EZH2: variants seen among roughly 807,000 people sequenced by gnomAD.
The protein encoded by EZH2 is enhancer of zeste 2 polycomb repressive complex 2 subunit, also known as histone-lysine N-methyltransferase EZH2.
Under a neutral mutation model 98.4 loss-of-function variants are expected in EZH2, and 18 were observed. The ratio of observed to expected loss-of-function variants is 0.18; its 90% CI spans 0.13 to 0.27. EZH2 has a LOEUF of 0.27. EZH2 is among the 10% of genes least tolerant of loss of function. EZH2 has a pLI of 1.00. For synonymous variants in EZH2, 338 were observed against 312.3 expected (o/e 1.08, Z -0.87); for missense variants, 470 against 935.1 (o/e 0.50, Z 6.49).
intron 1 of EZH2, among the ~76,000 whole-genome samples, chr7:148,854,771 G>C (rs1383985104): frequency 6.6e-6 from 1 of 152,138 alleles, no homozygotes; most frequent in African/African-American, 2.4e-5. Flanking sequence ...GTGCCTGTTT[G>C]TATGTTTAAA....
intron 1 of EZH2, among the ~76,000 whole-genome samples, chr7:148,874,323 G>A (rs1405243146): frequency 1.3e-5 from 2 of 152,184 alleles, no homozygotes; most frequent in Non-Finnish European, 2.9e-5. Flanking sequence ...AGGAGGTGGA[G>A]GTTGCAGTAA....
At position 148,856,628 on chromosome 7, in the gene EZH2, T is replaced by C. The variant is rs150248614; in HGVS notation, c.-7-9323A>G. Among the ~76,000 whole-genome samples, 20 of 152,066 alleles carry C rather than the reference T, an allele frequency of 1.3e-4. No individual in the cohort carries two copies. The East Asian group carries it at 2.3e-3, about 18-fold the overall frequency. Reference sequence around the variant, plus strand: ...GATTCTAGGGTTGGGACAGGGAAACTACAAGGCAAGCCAGTAGAAGAAGGG... The same window carrying C: ...GATTCTAGGGTTGGGACAGGGAAACCACAAGGCAAGCCAGTAGAAGAAGGG... On this transcript the variant is annotated intron_variant, in intron 1 of 19. Transcript: ENST00000320356.
chr7:148,826,932 A>T (rs1406360857), intron 7 of EZH2, among the ~76,000 whole-genome samples: 2 of 152,136 alleles, frequency 1.3e-5, no homozygotes, highest in Admixed American at 1.3e-4. Context: ...AATTTTATGT[A>T]TATGTGTGTG....
At chr7:148,880,100 C>T (rs2129495246) in intron 1 of EZH2, among the ~76,000 whole-genome samples, 1 of 152,196 alleles carries the variant, frequency 6.6e-6, no homozygotes, top group South Asian at 2.1e-4. Flanking sequence ...AAAACAAGAC[C>T]AATTATTAAG....
chr7:148,817,382 G>A lies in EZH2; in HGVS notation c.1250C>T (p.Ser417Phe). The A allele has an allele frequency of 6.2e-7, 1 of 1,612,294 alleles. No homozygotes were observed. The highest frequency in any genetic ancestry group is 1.3e-5 in the African/African-American group (1 of 74,870). The change falls in exon 11 of 20, where the codon TCT (serine) becomes TTT (phenylalanine). Residue 417 changes from serine to phenylalanine, a missense_variant. Physicochemically the swap from Ser to Phe is radical, Grantham distance 155. Coordinates refer to ENST00000320356, the MANE Select transcript of EZH2 (RefSeq NM_004456.5). ...DETSSSSEAN[S>F]RCQTPIKMKP... Reference sequence around the variant, plus strand: ...CATCTTTATTGGTGTTTGACACCGAGAATTTGCTTCTACAAAACCAAATGT... The same window carrying A: ...CATCTTTATTGGTGTTTGACACCGAAAATTTGCTTCTACAAAACCAAATGT...
chr7:148,844,692 C>A, intron 3 of EZH2, among the ~76,000 whole-genome samples: 1 of 152,068 alleles, frequency 6.6e-6, no homozygotes, highest in South Asian at 2.1e-4. Flanking sequence ...CATAAACTCA[C>A]GAACATTAGG....
intron 8 of EZH2, among the ~76,000 whole-genome samples, chr7:148,823,550 A>G (rs1210843681): frequency 1.3e-5 from 2 of 152,206 alleles, no homozygotes; most frequent in Admixed American, 1.3e-4. Context: ...ACGAGAACCA[A>G]TAAAAGTGGT....
chr7:148,846,757 A>T (rs900975243), intron 2 of EZH2, among the ~76,000 whole-genome samples, 159 bp from the exon 3 acceptor site: 7 of 152,080 alleles, frequency 4.6e-5, no homozygotes, highest in Admixed American at 1.3e-4. Context: ...CCCACATTCA[A>T]ATAATACAAA....
At chr7:148,873,119 G>A (rs1466264341) in intron 1 of EZH2, among the ~76,000 whole-genome samples, 1 of 151,984 alleles carries the variant, frequency 6.6e-6, no homozygotes, top group East Asian at 1.9e-4. Flanking sequence ...GGAGTCTGAG[G>A]ATGTAGTGAG....
rs1419485491 is a variant in EZH2 at position 148,826,444 on chromosome 7, G to A, written c.907+10C>T. On this transcript the variant is annotated intron_variant, in intron 8 of 19. Transcript: ENST00000320356. Reference sequence around the variant, plus strand: ...TAATTCCACAACAAAGATAGAAAATGAAAACGTACAATAATTGCACTTACG... The same window carrying A: ...TAATTCCACAACAAAGATAGAAAATAAAAACGTACAATAATTGCACTTACG... The A allele has an allele frequency of 6.5e-7, 1 of 1,546,582 alleles. No homozygotes were observed. The highest frequency in any genetic ancestry group is 8.8e-7 in the Non-Finnish European group (1 of 1,141,416).
At chr7:148,815,097 C>T in intron 13 of EZH2, 58 bp from the exon 14 acceptor site, 2 of 1,579,912 alleles carry the variant, frequency 1.3e-6, no homozygotes, top group South Asian at 1.2e-5. Context: ...AACGATCATA[C>T]ACAATTAACA....
Position 148,846,574 on chromosome 7 carries a change from T to G in EZH2, c.142A>C (p.Lys48Gln). The change falls in exon 3 of 20, where the codon AAA becomes CAA. Residue 48 changes from lysine to glutamine, a missense_variant. Around this residue, in one of 6 missense-constraint regions of EZH2, gnomAD observed 79 missense variants for 122.1 expected, o/e 0.65. Transcript: ENST00000320356. ...AAGATTTCCGTTCTTTCCAAAATTT[T>G]CTGACGATTGGAACTAAACATACTC... ...VKSMFSSNRQ[K>Q]ILERTEILNQ... The G allele has an allele frequency of 6.2e-7, 1 of 1,610,902 alleles. No individual in the cohort carries two copies.
chr7:148,811,659 T>C lies in EZH2; in HGVS notation c.1913A>G (p.Gln638Arg), dbSNP rs2129469027. ...GWGIFIKDPV[Q>R]KNEFISEYCG... ...GTATTCTGAGATGAATTCATTTTTCTGCACAGGATCTTTGATAAAAATCCC... is the reference window on the plus strand; with the variant it reads ...GTATTCTGAGATGAATTCATTTTTCCGCACAGGATCTTTGATAAAAATCCC... Residue 638 changes from glutamine (Q) to arginine (R), a missense_variant, in exon 16 of 20, where the codon CAG becomes CGG. Coordinates refer to ENST00000320356, the MANE Select transcript of EZH2 (RefSeq NM_004456.5). 1 of 1,613,816 alleles carries C rather than the reference T, an allele frequency of 6.2e-7. No homozygotes were observed. The highest frequency in any genetic ancestry group is 8.5e-7 in the Non-Finnish European group (1 of 1,180,030).
chr7:148,827,220 A>G lies in EZH2; in HGVS notation c.672T>C (p.Phe224=). 1.2e-6 allele frequency: 2 copies of G among 1,613,914 alleles called. No homozygotes were observed. Among genetic ancestry groups the G allele is most frequent in the South Asian group, 1.1e-5 (1 of 91,046 alleles). Residue 224 remains phenylalanine (F), a synonymous_variant, in exon 7 of 20, where the codon TTT becomes TTC. Coordinates refer to ENST00000320356, the MANE Select transcript of EZH2 (RefSeq NM_004456.5). ...PPRKFPSDKI[F]EAISSMFPDK... ...CTGGAAACATTGAGGAAATGGCTTC[A>G]AAAATTTTATCAGAAGGAAATTTCC...
intron 3 of EZH2, among the ~76,000 whole-genome samples, chr7:148,834,339 A>T (rs1031230108): frequency 1.2e-5 from 1 of 80,204 alleles, no homozygotes; most frequent in East Asian, 3.4e-4. Flanking sequence ...AAAAATCATT[A>T]TATATATATA....
intron 3 of EZH2, among the ~76,000 whole-genome samples, chr7:148,839,550 CAT>C (rs1811886356): frequency 6.7e-6 from 1 of 149,694 alleles, no homozygotes; most frequent in African/African-American, 2.5e-5. Flanking sequence ...ATCTGCAAAA[CAT>C]ATGACAAAAA....
rs1814072463 is a variant in EZH2 at position 148,846,489 on chromosome 7, G to C, written c.227C>G (p.Ser76Ter). The change falls in exon 3 of 20, where the codon TCA becomes TGA. Residue 76 changes from serine to a stop codon, truncating the protein, a stop_gained. Transcript: ENST00000320356. LOFTEE classifies it high-confidence loss of function. ...ACCAACCTCCCTAGTCCCGCGCAAT[G>C]AGCTCACAGAAGTCAGGATGTGCAC... ...QPVHILTSVS[S>*]LRGTRECSVT... The C allele has an allele frequency of 6.2e-7, 1 of 1,613,522 alleles. No individual in the cohort carries two copies. Among genetic ancestry groups the C allele is most frequent in the Non-Finnish European group, 8.5e-7 (1 of 1,179,774 alleles).
At chr7:148,874,549 A>C (rs1389017205) in intron 1 of EZH2, among the ~76,000 whole-genome samples, 2 of 152,216 alleles carry the variant, frequency 1.3e-5, no homozygotes, top group Non-Finnish European at 2.9e-5. Flanking sequence ...GATCACCTAC[A>C]GTGGTGGTAA....
intron 14 of EZH2, 64 bp from the exon 15 acceptor site, chr7:148,814,201 G>A (rs979378449): frequency 2.5e-5 from 37 of 1,499,242 alleles, no homozygotes; most frequent in African/African-American, 4.1e-5. Context: ...AGAAAGATAC[G>A]TGGCAAGGGC....
Sources: gnomAD v4.1 joint callset for allele counts (sites outside exome capture counted in the v4.1 genomes callset) on GRCh38, gnomAD v4.1.1 for gene constraint, gnomAD v4.1.1 regional missense constraint, MANE v1.5 for transcripts, NCBI Gene and HGNC (gene_info 2026-07-23, HGNC 2026-07-21) for gene names.